Variants in ADGRL3 observed in about 807,000 individuals in gnomAD.
ADGRL3 encodes the protein adhesion G protein-coupled receptor L3, also known as calcium-independent alpha-latrotoxin receptor 3.
Under a neutral mutation model 153.5 loss-of-function variants are expected in ADGRL3, and 62 were observed. The observed-to-expected ratio is 0.40, with a 90% confidence interval of 0.33 to 0.50. The LOEUF (loss-of-function observed/expected upper bound fraction) is 0.50, where lower values mean the gene tolerates loss of function less well. Among genes scored for constraint, ADGRL3 ranks in the 20% least tolerant of loss-of-function variants. The probability of loss-of-function intolerance (pLI) is 0.47; values close to 1 mark genes in which losing one functional copy is unlikely to be tolerated. For synonymous variants in ADGRL3, 710 were observed against 672.5 expected, an observed-to-expected ratio of 1.06 and a Z score of -0.86; for missense variants, 1,641 against 1,859.4, an observed-to-expected ratio of 0.88 and a Z score of 2.16.
chr4:61,561,490 G>C (rs2098794916), intron 4 of ADGRL3, among the ~76,000 whole-genome samples: 1 of 152,158 alleles, frequency 6.6e-6, no homozygotes, highest in South Asian at 2.1e-4. Context: ...GACATTTCTG[G>C]CTTTTTTAAA....
At chr4:61,684,365 AG>A (rs1275089684) in intron 6 of ADGRL3, among the ~76,000 whole-genome samples, 2 of 152,152 alleles carry the variant, frequency 1.3e-5, no homozygotes, top group African/African-American at 4.8e-5. Context: ...CCTCTGAAAA[AG>A]TAAGAGTCAG....
rs190920097 is a variant in ADGRL3, at chr4:61,231,548, T to C, written c.-240+29783T>C. Among the ~76,000 whole-genome samples the C allele has an allele frequency of 2.4e-3, 372 of 152,250 alleles. 4 individuals are homozygous for C. Among genetic ancestry groups the C allele is most frequent in the Non-Finnish European group, 1.1e-3 (76 of 68,026 alleles). On this transcript the variant is annotated intron_variant, in intron 1 of 26. Transcript: ENST00000683033. The stretch of plus-strand genomic sequence containing the variant: ...ACATCTCCATCCTTTCTTCTTCACC[T>C]GGCTGTTTCAAACTTTTCATTTAGG...
At chr4:61,259,229 C>T (rs904128949) in intron 1 of ADGRL3, among the ~76,000 whole-genome samples, 21 of 152,044 alleles carry the variant, frequency 1.4e-4, no homozygotes, top group African/African-American at 5.1e-4. Flanking sequence ...CGAGACCATC[C>T]TGGCTAACAC....
chr4:61,237,284 G>A (rs1753207908), intron 1 of ADGRL3, among the ~76,000 whole-genome samples: 1 of 152,046 alleles, frequency 6.6e-6, no homozygotes, highest in Non-Finnish European at 1.5e-5. Flanking sequence ...TTTTTACATT[G>A]CCATATTTTA....
intron 11 of ADGRL3, chr4:61,906,373 A>G (rs921852197): frequency 6.6e-6 from 1 of 152,130 alleles, no homozygotes; most frequent in Non-Finnish European, 1.5e-5. Flanking sequence ...TGTACTTGCT[A>G]TACAACCCCC....
At chr4:61,803,153 T>G (rs529722461) in intron 8 of ADGRL3, among the ~76,000 whole-genome samples, 1 of 152,260 alleles carries the variant, frequency 6.6e-6, no homozygotes, top group East Asian at 1.9e-4. Flanking sequence ...GTTTTTTTTT[T>G]GTTTAAGCAT....
rs187018487 is a variant in ADGRL3 at position 62,055,158 on chromosome 4, T to G, written c.3814+10609T>G. On this transcript the variant is annotated intron_variant, in intron 25 of 26. Transcript: ENST00000683033. ...ATATGTCTGGACAAGAAGACACATA[T>G]GTAGCCAATTAATACAAAATAAGAG... is the stretch of plus-strand genomic sequence containing the variant. Among the ~76,000 whole-genome samples, 154 of 151,946 alleles carry G rather than the reference T, an allele frequency of 1.0e-3. 1 individual carries two copies. The highest frequency in any genetic ancestry group is 1.6e-3 in the Non-Finnish European group (107 of 67,770).
chr4:61,341,139 T>G (rs1037814287), intron 1 of ADGRL3, among the ~76,000 whole-genome samples: 3 of 152,076 alleles, frequency 2.0e-5, no homozygotes, highest in East Asian at 3.9e-4. Flanking sequence ...TTTTCTTCTT[T>G]TGCTCAGAAT....
intron 5 of ADGRL3, among the ~76,000 whole-genome samples, chr4:61,600,022 G>C (rs2099004469): frequency 6.6e-6 from 1 of 152,122 alleles, no homozygotes; most frequent in East Asian, 1.9e-4. Flanking sequence ...ATTAAAAGAG[G>C]AAATGGGCGA....
intron 2 of ADGRL3, among the ~76,000 whole-genome samples, chr4:61,392,090 C>G (rs756438303): frequency 4.7e-5 from 7 of 149,308 alleles, no homozygotes; most frequent in Non-Finnish European, 1.0e-4. Context: ...AGGATGGTCT[C>G]GGTTTCCTGA....
At chr4:61,871,294 G>A (rs545706903) in intron 9 of ADGRL3, among the ~76,000 whole-genome samples, 254 of 147,682 alleles carry the variant, frequency 1.7e-3, no homozygotes, top group African/African-American at 6.1e-3. Flanking sequence ...AAAAAAAAAA[G>A]TGTACACAAA....
At chr4:61,559,811 TA>T (rs1259362103) in intron 4 of ADGRL3, among the ~76,000 whole-genome samples, 22 of 148,740 alleles carry the variant, frequency 1.5e-4, no homozygotes, top group African/African-American at 5.2e-4. Flanking sequence ...GGCAAAACCA[TA>T]ATCATTTTTT....
At chr4:61,366,157 G>A (rs558952873) in intron 1 of ADGRL3, among the ~76,000 whole-genome samples, 3 of 152,174 alleles carry the variant, frequency 2.0e-5, no homozygotes, top group African/African-American at 7.2e-5. Flanking sequence ...AGAAATAATG[G>A]TCATTACTTG....
chr4:62,036,595 A>G lies in ADGRL3; in HGVS notation c.3592-1136A>G, dbSNP rs565915340. ...TTTGGAATACTAAATTTAATGTATC[A>G]TTTACATACCTTTTTTGCTTTTGAT... On this transcript the variant is annotated intron_variant, in intron 23 of 26. Transcript: ENST00000683033. Among the ~76,000 whole-genome samples the G allele has an allele frequency of 4.9e-4, 75 of 152,252 alleles. 1 individual carries two copies. The highest frequency in any genetic ancestry group is 2.7e-3 in the South Asian group (13 of 4,820).
At chr4:61,845,296 C>G (rs1001250922) in intron 9 of ADGRL3, among the ~76,000 whole-genome samples, 6 of 151,760 alleles carry the variant, frequency 4.0e-5, no homozygotes, top group Non-Finnish European at 8.8e-5. Context: ...TTTTTCTCTT[C>G]TTCTCTTTTT....
intron 5 of ADGRL3, among the ~76,000 whole-genome samples, chr4:61,659,160 G>T (rs2094522726): frequency 1.3e-5 from 2 of 152,038 alleles, no homozygotes; most frequent in Non-Finnish European, 2.9e-5. Flanking sequence ...TTCTTATAAG[G>T]ACACTGGTAA....
intron 3 of ADGRL3, among the ~76,000 whole-genome samples, chr4:61,501,531 T>C (rs1403618871): frequency 6.6e-6 from 1 of 152,198 alleles, no homozygotes; most frequent in Non-Finnish European, 1.5e-5. Flanking sequence ...CAAACCTCAG[T>C]ATCTATGTTT....
At chr4:61,698,365 TG>T (rs914693985) in intron 6 of ADGRL3, among the ~76,000 whole-genome samples, 30 of 152,106 alleles carry the variant, frequency 2.0e-4, no homozygotes, top group African/African-American at 7.0e-4. Context: ...GGCAGGAGAA[TG>T]GCGTGAACCC....
At chr4:61,857,530 G>C (rs543614884) in intron 9 of ADGRL3, among the ~76,000 whole-genome samples, 1 of 152,178 alleles carries the variant, frequency 6.6e-6, no homozygotes, top group African/African-American at 2.4e-5. Context: ...CAGCCTCGAA[G>C]AGTGATGGGT....
Sources: allele counts gnomAD v4.1 joint callset (sites outside exome capture counted in the v4.1 genomes callset), GRCh38; gene constraint gnomAD v4.1.1; transcripts MANE v1.5; gene names NCBI Gene and HGNC (gene_info 2026-07-23, HGNC 2026-07-21).